Variants in SLC24A3 observed in about 807,000 individuals in gnomAD.
SLC24A3 encodes the protein solute carrier family 24 member 3, also known as sodium/potassium/calcium exchanger 3.
In SLC24A3, 28 loss-of-function variants were observed where a neutral mutation model predicts 75.8. That is an observed-to-expected ratio of 0.37 (90% CI 0.27 to 0.51). The LOEUF (loss-of-function observed/expected upper bound fraction) is 0.51. Ranked by LOEUF, SLC24A3 falls within the 20% of genes least tolerant of loss-of-function variation. The pLI, the probability that SLC24A3 is intolerant of heterozygous loss-of-function variation, is 0.94. For missense variants in SLC24A3, 663 were observed against 847.8 expected, an observed-to-expected ratio of 0.78 and a Z score of 2.71; for synonymous variants, 372 against 334.1, an observed-to-expected ratio of 1.11 and a Z score of -1.24.
chr20:19,249,068 G>C (rs78748874), intron 1 of SLC24A3, among the ~76,000 whole-genome samples: 6 of 151,790 alleles, frequency 4.0e-5, no homozygotes, highest in African/African-American at 1.5e-4. Flanking sequence ...TTGAGATAAC[G>C]AATATGTGAA....
chr20:19,401,000 A>G (rs2122404215), intron 2 of SLC24A3, among the ~76,000 whole-genome samples: 1 of 151,918 alleles, frequency 6.6e-6, no homozygotes, highest in African/African-American at 2.4e-5. Context: ...TATTTTCTCA[A>G]TTTTCACCCA....
At chr20:19,459,343 A>G (rs944553968) in intron 2 of SLC24A3, among the ~76,000 whole-genome samples, 2 of 152,036 alleles carry the variant, frequency 1.3e-5, no homozygotes, top group Non-Finnish European at 2.9e-5. Flanking sequence ...CCCCCTTGCA[A>G]TCTAAGCCTC....
chr20:19,646,524 G>A (rs4239732), intron 6 of SLC24A3, among the ~76,000 whole-genome samples: 98,848 of 152,100 alleles, frequency 0.65, 33,101 homozygotes, highest in African/African-American at 0.78. Flanking sequence ...TGTTAACAAC[G>A]ATAACAGTTA....
At chr20:19,563,645 G>C (rs1352876174) in intron 3 of SLC24A3, among the ~76,000 whole-genome samples, 1 of 152,188 alleles carries the variant, frequency 6.6e-6, no homozygotes, top group East Asian at 1.9e-4. Flanking sequence ...GTTTTTGGAA[G>C]TCCTGGTTGC....
At chr20:19,690,155 T>C (rs2073659768) in intron 12 of SLC24A3, among the ~76,000 whole-genome samples, 1 of 152,168 alleles carries the variant, frequency 6.6e-6, no homozygotes, top group South Asian at 2.1e-4. Flanking sequence ...ATTTGCTGCA[T>C]TACATTTAAA....
At chr20:19,565,607 A>G (rs141549377) in intron 3 of SLC24A3, among the ~76,000 whole-genome samples, 96 of 152,202 alleles carry the variant, frequency 6.3e-4, no homozygotes, top group African/African-American at 2.2e-3. Context: ...CCCATTGCAT[A>G]TGGACTCTTA....
intron 3 of SLC24A3, among the ~76,000 whole-genome samples, chr20:19,516,567 A>T (rs1388120143): frequency 1.3e-5 from 2 of 152,200 alleles, no homozygotes; most frequent in African/African-American, 2.4e-5. Flanking sequence ...TGGCTAGACC[A>T]GTGGTCCTAA....
At chr20:19,380,227 C>CAGGT (rs1057077236) in intron 2 of SLC24A3, among the ~76,000 whole-genome samples, 8 of 152,088 alleles carry the variant, frequency 5.3e-5, no homozygotes, top group African/African-American at 1.4e-4. Context: ...GCGTATTGAC[C>CAGGT]AGGTGAAGGT....
chr20:19,366,129 AC>A (rs1239011682), intron 2 of SLC24A3, among the ~76,000 whole-genome samples: 1 of 151,738 alleles, frequency 6.6e-6, no homozygotes, highest in African/African-American at 2.4e-5. Context: ...CTACAATTTG[AC>A]AAGGTTTTTG....
chr20:19,701,337 C>T (rs540813965), intron 15 of SLC24A3, among the ~76,000 whole-genome samples: 1 of 135,464 alleles, frequency 7.4e-6, no homozygotes, highest in African/African-American at 2.8e-5. Flanking sequence ...AATTTGGTGC[C>T]CCCCGAAACA....
intron 2 of SLC24A3, among the ~76,000 whole-genome samples, chr20:19,327,629 C>G (rs1031646053): frequency 1.2e-4 from 19 of 152,200 alleles, no homozygotes; most frequent in African/African-American, 4.3e-4. Context: ...TGCATGTGGT[C>G]TTTGTCGTCA....
intron 2 of SLC24A3, among the ~76,000 whole-genome samples, chr20:19,318,240 C>T (rs1222245114): frequency 6.6e-6 from 1 of 152,238 alleles, no homozygotes; most frequent in Non-Finnish European, 1.5e-5. Flanking sequence ...AGCCTTTCCC[C>T]CTCTCTCTAT....
chr20:19,291,156 G>A (rs1318047018), intron 2 of SLC24A3, among the ~76,000 whole-genome samples: 1 of 152,216 alleles, frequency 6.6e-6, no homozygotes, highest in Admixed American at 6.5e-5. Flanking sequence ...CTGGGGCTGA[G>A]GGCAGGGCCT....
At chr20:19,330,045 A>G (rs1984964529) in intron 2 of SLC24A3, among the ~76,000 whole-genome samples, 3 of 152,196 alleles carry the variant, frequency 2.0e-5, no homozygotes, top group South Asian at 4.1e-4. Flanking sequence ...CTTAACACAC[A>G]TCACAGACCA....
chr20:19,681,052 G>A lies in SLC24A3; in HGVS notation c.768-806G>A, dbSNP rs181781533. ...AAACTGTGCCTGGCTGTCTTTGCCC[G>A]TGAGTTTTTATGAGTTTTCTAGGAT... On this transcript the variant is annotated intron_variant, in intron 9 of 16. Coordinates refer to ENST00000328041, the MANE Select transcript of SLC24A3 (RefSeq NM_020689.4). Among the ~76,000 whole-genome samples, 13 of 152,244 alleles carry A rather than the reference G, an allele frequency of 8.5e-5. No homozygotes were observed. The East Asian group carries it at 1.7e-3, about 20-fold the overall frequency.
chr20:19,526,533 C>G lies in SLC24A3; in HGVS notation c.348+10969C>G, dbSNP rs114297312. ...GTCCAGAAAGTGGCCATCTAATTGA[C>G]CTTCCTGGATTCAGTCTATTCTCTT... is the stretch of plus-strand genomic sequence containing the variant. On this transcript the variant is annotated intron_variant, in intron 3 of 16. Coordinates refer to ENST00000328041, the MANE Select transcript of SLC24A3 (RefSeq NM_020689.4). Among the ~76,000 whole-genome samples, 514 of 152,288 alleles carry G rather than the reference C, an allele frequency of 3.4e-3. 3 individuals carry two copies. The highest frequency in any genetic ancestry group is 0.012 in the African/African-American group (486 of 41,554).
chr20:19,681,533 T>G (rs1331249472), intron 9 of SLC24A3, among the ~76,000 whole-genome samples: 1 of 152,180 alleles, frequency 6.6e-6, no homozygotes, highest in Non-Finnish European at 1.5e-5. Context: ...AGTCCTTCCA[T>G]GTGCAGACTG....
intron 6 of SLC24A3, among the ~76,000 whole-genome samples, chr20:19,639,618 C>T (rs191384777): frequency 6.6e-5 from 10 of 152,362 alleles, no homozygotes; most frequent in South Asian, 6.2e-4. Context: ...CAGTCCGGCG[C>T]GCTGTGCAGC....
At chr20:19,644,296 G>C (rs1451589079) in intron 6 of SLC24A3, among the ~76,000 whole-genome samples, 1 of 152,140 alleles carries the variant, frequency 6.6e-6, no homozygotes, top group Non-Finnish European at 1.5e-5. Flanking sequence ...GTGTGACTCA[G>C]ACCCTGAATT....
Sources: gnomAD v4.1 joint callset for allele counts (sites outside exome capture counted in the v4.1 genomes callset) on GRCh38, gnomAD v4.1.1 for gene constraint, MANE v1.5 for transcripts, NCBI Gene and HGNC (gene_info 2026-07-23, HGNC 2026-07-21) for gene names.